The following DAB1 variants were observed in gnomAD, a reference collection of about 807,000 sequenced individuals.
DAB1 encodes the protein disabled homolog 1.
DAB1 carries 15 observed loss-of-function variants against 64.6 expected under a neutral mutation model. That is an observed-to-expected ratio of 0.23 (90% CI 0.16 to 0.36). DAB1 has a LOEUF of 0.36. Ranked by LOEUF, DAB1 falls within the 10% of genes least tolerant of loss-of-function variation. The pLI is 1.00. For missense variants in DAB1, 596 were observed against 706.7 expected (o/e 0.84, Z 1.78); for synonymous variants, 235 against 251.9 (o/e 0.93, Z 0.64).
chr1:58,543,087 A>G (rs966805822), intron 1 of DAB1, among the ~76,000 whole-genome samples: 3 of 152,154 alleles, frequency 2.0e-5, no homozygotes, highest in Non-Finnish European at 2.9e-5. Flanking sequence ...ATATGAGAGA[A>G]TAAGACCTCC....
intron 5 of DAB1, among the ~76,000 whole-genome samples, chr1:58,096,165 T>G (rs949740434): frequency 3.5e-4 from 53 of 152,354 alleles, no homozygotes; most frequent in African/African-American, 1.2e-3. Context: ...TTTGAAGAGC[T>G]TTGTCCTTAA....
At chr1:58,297,674 G>A (rs899029758) in intron 4 of DAB1, among the ~76,000 whole-genome samples, 3 of 152,204 alleles carry the variant, frequency 2.0e-5, no homozygotes, top group Non-Finnish European at 4.4e-5. Context: ...AGAAATCCTA[G>A]TAGAGTAATA....
chr1:57,918,396 T>C (rs955041498), intron 5 of DAB1, among the ~76,000 whole-genome samples: 3 of 152,096 alleles, frequency 2.0e-5, no homozygotes, highest in Admixed American at 2.0e-4. Context: ...TCCTGTGTCA[T>C]AACATGGCAA....
intron 4 of DAB1, among the ~76,000 whole-genome samples, chr1:58,207,732 G>T (rs1658352804): frequency 6.6e-6 from 1 of 152,174 alleles, no homozygotes; most frequent in African/African-American, 2.4e-5. Flanking sequence ...TTTTGATATA[G>T]GTAGTCAACA....
chr1:58,388,422 G>C (rs906966033), intron 3 of DAB1, among the ~76,000 whole-genome samples: 4 of 152,126 alleles, frequency 2.6e-5, no homozygotes, highest in African/African-American at 4.8e-5. Context: ...CAGACTCCAC[G>C]GTCATGTAGT....
intron 4 of DAB1, among the ~76,000 whole-genome samples, chr1:57,134,061 C>T (rs983364898): frequency 3.9e-5 from 6 of 152,210 alleles, no homozygotes; most frequent in East Asian, 3.8e-4. Context: ...ACTTTATCCT[C>T]TACTTGACTT....
intron 6 of DAB1, among the ~76,000 whole-genome samples, chr1:57,770,006 T>A (rs946751640): frequency 1.3e-5 from 2 of 152,160 alleles, no homozygotes; most frequent in Non-Finnish European, 2.9e-5. Flanking sequence ...CCCCAGACAC[T>A]GGCTTCTTAA....
chr1:58,392,478 G>A (rs1644483554), intron 3 of DAB1, among the ~76,000 whole-genome samples: 1 of 152,090 alleles, frequency 6.6e-6, no homozygotes, highest in Non-Finnish European at 1.5e-5. Context: ...TGCCACCTCA[G>A]GGGACTCACC....
chr1:57,048,192 C>T (rs1648771931), intron 9 of DAB1, among the ~76,000 whole-genome samples: 1 of 152,126 alleles, frequency 6.6e-6, no homozygotes, highest in Admixed American at 6.5e-5. Context: ...AATTTCAAGC[C>T]CAAATAGTCA....
At chr1:58,493,901 G>C (rs1362027598) in intron 3 of DAB1, among the ~76,000 whole-genome samples, 3 of 150,192 alleles carry the variant, frequency 2.0e-5, no homozygotes, top group Non-Finnish European at 4.5e-5. Flanking sequence ...TTTCTTCACA[G>C]AATTGGAAAA....
At chr1:57,453,689 C>T (rs1391380122) in intron 7 of DAB1, among the ~76,000 whole-genome samples, 1 of 152,160 alleles carries the variant, frequency 6.6e-6, no homozygotes, top group Middle Eastern at 3.4e-3. Flanking sequence ...GTTAATTCAA[C>T]CATAAATTAT....
chr1:58,376,949 CTT>C (rs1385533345), intron 3 of DAB1, among the ~76,000 whole-genome samples: 11 of 102,070 alleles, frequency 1.1e-4, no homozygotes, highest in African/African-American at 4.4e-4. Context: ...TTCTTTGTCT[CTT>C]TTGATCTTTG....
At chr1:58,202,479 T>C (rs1431413562) in intron 4 of DAB1, among the ~76,000 whole-genome samples, 1 of 152,208 alleles carries the variant, frequency 6.6e-6, no homozygotes, top group Non-Finnish European at 1.5e-5. Flanking sequence ...TCTCCTCCTC[T>C]TGAAGCTGAG....
chr1:58,283,625 A>C (rs1358437758), intron 4 of DAB1, among the ~76,000 whole-genome samples: 1 of 152,218 alleles, frequency 6.6e-6, no homozygotes, highest in African/African-American at 2.4e-5. Flanking sequence ...GTCTCTGAGC[A>C]TCAGTTTCCT....
intron 1 of DAB1, among the ~76,000 whole-genome samples, chr1:57,833,072 A>C (rs1241060979): frequency 1.3e-5 from 2 of 152,140 alleles, no homozygotes; most frequent in African/African-American, 4.8e-5. Context: ...ACTGAAAAAA[A>C]AAAAAAAAAT....
chr1:57,731,499 A>G (rs1265100523), intron 6 of DAB1, among the ~76,000 whole-genome samples: 1 of 151,306 alleles, frequency 6.6e-6, no homozygotes, highest in Non-Finnish European at 1.5e-5. Flanking sequence ...TAAAAAATGA[A>G]AAAAAAGAAT....
intron 7 of DAB1, among the ~76,000 whole-genome samples, chr1:57,552,622 C>T (rs941271049): frequency 3.9e-5 from 6 of 152,136 alleles, no homozygotes; most frequent in African/African-American, 1.2e-4. Flanking sequence ...GGCTTGTGAA[C>T]CAGAATTTTT....
chr1:58,394,626 G>A (rs1172772662), intron 3 of DAB1, among the ~76,000 whole-genome samples: 7 of 152,188 alleles, frequency 4.6e-5, no homozygotes, highest in Admixed American at 2.0e-4. Flanking sequence ...ATGAGTCACA[G>A]AAACATTATG....
At chr1:57,295,807 A>T (rs1165537082) in intron 1 of DAB1, among the ~76,000 whole-genome samples, 1 of 152,136 alleles carries the variant, frequency 6.6e-6, no homozygotes, top group Non-Finnish European at 1.5e-5. Context: ...CCACATTTGG[A>T]AGCATATTAA....
Sources: allele counts gnomAD v4.1 joint callset (sites outside exome capture counted in the v4.1 genomes callset), GRCh38; gene constraint gnomAD v4.1.1; transcripts MANE v1.5; gene names NCBI Gene and HGNC (gene_info 2026-07-23, HGNC 2026-07-21).